Variants in TRPM3 observed in about 807,000 individuals in gnomAD.
TRPM3 encodes long transient receptor potential channel 3.
Under a neutral mutation model 181.2 loss-of-function variants are expected in TRPM3, and 77 were observed. The ratio of observed to expected loss-of-function variants is 0.42; its 90% CI spans 0.35 to 0.51. The LOEUF is 0.51. Among genes scored for constraint, TRPM3 ranks in the 20% least tolerant of loss-of-function variants. The pLI is 0.01. For missense variants in TRPM3, 1,759 were observed against 2,196.7 expected, an observed-to-expected ratio of 0.80 and a Z score of 3.98; for synonymous variants, 745 against 796.4, an observed-to-expected ratio of 0.94 and a Z score of 1.09.
At chr9:70,622,511 C>A (rs2063775879) in intron 14 of TRPM3, among the ~76,000 whole-genome samples, 1 of 152,210 alleles carries the variant, frequency 6.6e-6, no homozygotes, top group Non-Finnish European at 1.5e-5. Flanking sequence ...GGCCAGAGGG[C>A]CTGTGCTGAT....
At chr9:70,967,384 C>G (rs1308559613) in intron 1 of TRPM3, among the ~76,000 whole-genome samples, 1 of 139,666 alleles carries the variant, frequency 7.2e-6, no homozygotes, top group Non-Finnish European at 1.6e-5. Flanking sequence ...GACATAAACT[C>G]TAAATATGTT....
intron 9 of TRPM3, among the ~76,000 whole-genome samples, chr9:70,663,864 GAC>G (rs779555951): frequency 1.3e-5 from 2 of 152,288 alleles, no homozygotes; most frequent in Non-Finnish European, 2.9e-5. Context: ...TGTGGGCCAT[GAC>G]ACCTTCTTTG....
chr9:70,556,552 T>A (rs1215992809), intron 22 of TRPM3, among the ~76,000 whole-genome samples: 1 of 152,034 alleles, frequency 6.6e-6, no homozygotes, highest in East Asian at 1.9e-4. Flanking sequence ...CAAAACCCTG[T>A]CTCTATTAAA....
intron 1 of TRPM3, among the ~76,000 whole-genome samples, chr9:71,234,625 A>G (rs1274485157): frequency 6.6e-6 from 1 of 152,088 alleles, no homozygotes; most frequent in Non-Finnish European, 1.5e-5. Flanking sequence ...GTGTTTCTGT[A>G]TCCTAATCTC....
Position 71,244,031 on chromosome 9 carries a change from A to G in TRPM3, c.183+202622T>C, listed in dbSNP as rs559087748. 2.6e-5 allele frequency among the ~76,000 whole-genome samples: 4 copies of G among 152,336 alleles called. No individual in the cohort carries two copies. In the South Asian group the frequency reaches 8.3e-4, roughly 32 times the overall value. On this transcript the variant is annotated intron_variant, in intron 1 of 24. Transcript: ENST00000357533. ...GTCTTAGATTAAGGCACATCACTTC[A>G]AACAGCCATCTCGAGACAACAGTTT...
At chr9:71,052,849 T>C (rs911536255) in intron 1 of TRPM3, among the ~76,000 whole-genome samples, 11 of 152,062 alleles carry the variant, frequency 7.2e-5, no homozygotes, top group African/African-American at 2.4e-4. Context: ...ATTAACTTCC[T>C]GAAAGTCAAA....
chr9:71,349,406 C>A (rs1364745307), intron 1 of TRPM3, among the ~76,000 whole-genome samples: 2 of 152,160 alleles, frequency 1.3e-5, no homozygotes, highest in African/African-American at 2.4e-5. Context: ...TTAGAGGCTT[C>A]ATCAGAGCTG....
chr9:70,939,868 G>A (rs1167047791), intron 1 of TRPM3, among the ~76,000 whole-genome samples: 2 of 152,122 alleles, frequency 1.3e-5, no homozygotes, highest in African/African-American at 4.8e-5. Context: ...TTTGAAGGTG[G>A]CATGTAAATA....
At chr9:70,638,856 C>G (rs10868862) in intron 11 of TRPM3, among the ~76,000 whole-genome samples, 73,556 of 151,902 alleles carry the variant, frequency 0.48, 19,006 homozygotes, top group Non-Finnish European at 0.57. Flanking sequence ...TTTTGCCTTA[C>G]ATGCTGACAA....
At chr9:70,752,691 T>C (rs1587848588) in intron 8 of TRPM3, among the ~76,000 whole-genome samples, 1 of 152,188 alleles carries the variant, frequency 6.6e-6, no homozygotes, top group Admixed American at 6.5e-5. Flanking sequence ...ATACCTAACA[T>C]TGTGTTACAG....
intron 1 of TRPM3, among the ~76,000 whole-genome samples, chr9:71,263,618 C>T (rs1368518433): frequency 1.3e-5 from 2 of 152,164 alleles, no homozygotes; most frequent in African/African-American, 4.8e-5. Flanking sequence ...ACAGCACTTA[C>T]ATGGTTCTGC....
chr9:70,690,468 GA>G (rs1339611089), intron 8 of TRPM3, among the ~76,000 whole-genome samples: 4 of 152,020 alleles, frequency 2.6e-5, no homozygotes, highest in Non-Finnish European at 4.4e-5. Context: ...GTTTACCAAG[GA>G]TAGAAGCAGG....
At chr9:70,753,121 A>C (rs2076474643) in intron 8 of TRPM3, among the ~76,000 whole-genome samples, 1 of 152,114 alleles carries the variant, frequency 6.6e-6, no homozygotes, top group Non-Finnish European at 1.5e-5. Context: ...AAAAGAAAAG[A>C]AATACACTAT....
At chr9:71,002,911 C>T (rs948248311) in intron 1 of TRPM3, among the ~76,000 whole-genome samples, 10 of 152,056 alleles carry the variant, frequency 6.6e-5, no homozygotes, top group Non-Finnish European at 1.2e-4. Flanking sequence ...AATATTCAAT[C>T]CATATTCATA....
At chr9:71,005,662 T>C (rs2134289131) in intron 1 of TRPM3, among the ~76,000 whole-genome samples, 1 of 152,158 alleles carries the variant, frequency 6.6e-6, no homozygotes. Context: ...CAACCAAAAA[T>C]ACTGTACCCA....
chr9:71,059,487 C>T (rs1717466282), intron 1 of TRPM3, among the ~76,000 whole-genome samples: 1 of 152,038 alleles, frequency 6.6e-6, no homozygotes, highest in African/African-American at 2.4e-5. Flanking sequence ...AGGATACAGC[C>T]TGTGACAGCT....
chr9:71,141,548 G>A (rs560492107), intron 1 of TRPM3, among the ~76,000 whole-genome samples: 9 of 152,100 alleles, frequency 5.9e-5, no homozygotes, highest in Non-Finnish European at 1.0e-4. Context: ...CTTTGTCTAT[G>A]TATTATTTAT....
At position 70,531,063 on chromosome 9, in the gene TRPM3, C is replaced by A. The variant is rs374759898; in HGVS notation, c.*4890G>T. On this transcript the variant is annotated 3_prime_UTR_variant, in exon 26 of 26. Transcript: ENST00000677713. Reference sequence around the variant, plus strand: ...ATATCATTGGATCACACATTCACAGCGATCTGCGCACTTCTGCACTATCAC... The same window carrying A: ...ATATCATTGGATCACACATTCACAGAGATCTGCGCACTTCTGCACTATCAC... The A allele has an allele frequency of 3.9e-5, 6 of 152,304 alleles. No homozygotes were observed. The highest frequency in any genetic ancestry group is 2.6e-4 in the Admixed American group (4 of 15,288). 9.4% of individuals were successfully genotyped at this position (152,304 alleles called of 1,614,324 possible). A position where few individuals can be genotyped will look rare whatever the true frequency, so the allele number is the denominator to read the frequency against.
chr9:70,840,732 G>A (rs1057331696), intron 5 of TRPM3, among the ~76,000 whole-genome samples: 1 of 152,144 alleles, frequency 6.6e-6, no homozygotes, highest in African/African-American at 2.4e-5. Flanking sequence ...AAATGTAATA[G>A]AATTACTGTC....
Sources: allele counts gnomAD v4.1 joint callset (sites outside exome capture counted in the v4.1 genomes callset), GRCh38; gene constraint gnomAD v4.1.1; transcripts MANE v1.5; gene names NCBI Gene and HGNC (gene_info 2026-07-23, HGNC 2026-07-21).